The following ERC2 variants were observed in gnomAD, a reference collection of about 807,000 sequenced individuals.
ERC2 encodes the protein ERC protein 2.
In ERC2, 42 loss-of-function variants were observed where a neutral mutation model predicts 114.8. That is an observed-to-expected ratio of 0.37 (90% confidence interval 0.29 to 0.47). The LOEUF (loss-of-function observed/expected upper bound fraction) is 0.47, where lower values mean the gene tolerates loss of function less well. Among genes scored for constraint, ERC2 ranks in the 20% least tolerant of loss-of-function variants. ERC2 has a pLI of 0.99. For synonymous variants in ERC2, 454 were observed against 425.5 expected (o/e 1.07, Z -0.82); for missense variants, 939 against 1,150.7 (o/e 0.82, Z 2.66).
intron 6 of ERC2, among the ~76,000 whole-genome samples, chr3:56,119,036 A>T (rs1374995785): frequency 6.6e-6 from 1 of 152,204 alleles, no homozygotes; most frequent in Non-Finnish European, 1.5e-5. Context: ...TTTTGCAACG[A>T]ATTAACTCTG....
chr3:55,583,621 A>G (rs2057435396), intron 17 of ERC2, among the ~76,000 whole-genome samples: 1 of 146,680 alleles, frequency 6.8e-6, no homozygotes, highest in African/African-American at 2.6e-5. Context: ...ACTGGACGGT[A>G]TCAGCTTCCC....
intron 15 of ERC2, among the ~76,000 whole-genome samples, chr3:55,731,817 G>A (rs2065268818): frequency 6.6e-6 from 1 of 152,116 alleles, no homozygotes; most frequent in Non-Finnish European, 1.5e-5. Flanking sequence ...GAGCTCAAAA[G>A]TATTAGTAAT....
chr3:55,647,007 C>T (rs561385478), intron 17 of ERC2: 2 of 152,258 alleles, frequency 1.3e-5, no homozygotes, highest in African/African-American at 4.8e-5. Flanking sequence ...CACTCTCAGA[C>T]GCATGCACAA....
At chr3:56,262,815 C>T (rs1232493734) in intron 3 of ERC2, among the ~76,000 whole-genome samples, 2 of 152,222 alleles carry the variant, frequency 1.3e-5, no homozygotes, top group Non-Finnish European at 2.9e-5. Context: ...TTGGTTCCAA[C>T]ATGAATATCC....
intron 8 of ERC2, among the ~76,000 whole-genome samples, chr3:56,014,094 G>A (rs755850924): frequency 1.5e-5 from 2 of 133,966 alleles, no homozygotes; most frequent in South Asian, 2.4e-4. Flanking sequence ...ATTCTTCATC[G>A]CTATGAAAAG....
intron 14 of ERC2, among the ~76,000 whole-genome samples, chr3:55,864,181 AC>A (rs2062180263): frequency 6.9e-6 from 1 of 144,064 alleles, no homozygotes; most frequent in South Asian, 2.3e-4. Context: ...ATATATATAT[AC>A]ACATATATAT....
intron 13 of ERC2, among the ~76,000 whole-genome samples, chr3:55,896,958 A>G (rs371413572): frequency 2.0e-5 from 3 of 152,244 alleles, no homozygotes; most frequent in South Asian, 4.1e-4. Context: ...AACTGTATTT[A>G]CTGTATCTGA....
intron 3 of ERC2, among the ~76,000 whole-genome samples, chr3:56,268,906 G>C (rs927894292): frequency 2.0e-5 from 3 of 152,122 alleles, no homozygotes; most frequent in Non-Finnish European, 4.4e-5. Context: ...AAAGTTGATT[G>C]TGCATGACTG....
chr3:56,222,835 G>A (rs567856128), intron 3 of ERC2, among the ~76,000 whole-genome samples: 2 of 152,332 alleles, frequency 1.3e-5, no homozygotes, highest in South Asian at 2.1e-4. Flanking sequence ...TCCTGGCCAC[G>A]ACATGTGAAA....
intron 12 of ERC2, among the ~76,000 whole-genome samples, chr3:55,971,516 T>C (rs1399176621): frequency 6.6e-6 from 1 of 152,194 alleles, no homozygotes; most frequent in African/African-American, 2.4e-5. Context: ...AATGCAAGCA[T>C]AGACACATCT....
intron 17 of ERC2, among the ~76,000 whole-genome samples, chr3:55,680,943 C>T (rs936403856): frequency 3.9e-5 from 6 of 152,110 alleles, no homozygotes; most frequent in African/African-American, 1.4e-4. Flanking sequence ...CTTTGAAAAA[C>T]ATTAGGAATT....
chr3:56,043,102 G>A (rs534167175), intron 7 of ERC2, among the ~76,000 whole-genome samples: 15 of 151,970 alleles, frequency 9.9e-5, no homozygotes, highest in Non-Finnish European at 1.6e-4. Flanking sequence ...TCTGGAGCCC[G>A]CAAAATGAAA....
chr3:55,666,084 T>C (rs1188156223), intron 17 of ERC2, among the ~76,000 whole-genome samples: 2 of 152,184 alleles, frequency 1.3e-5, no homozygotes, highest in Non-Finnish European at 2.9e-5. Context: ...ACCACCACCA[T>C]GAGGTAGACA....
At chr3:56,075,707 C>T (rs1326995249) in intron 7 of ERC2, among the ~76,000 whole-genome samples, 1 of 152,106 alleles carries the variant, frequency 6.6e-6, no homozygotes, top group Non-Finnish European at 1.5e-5. Flanking sequence ...GACTGACTGA[C>T]ACATAGGAAA....
intron 2 of ERC2, among the ~76,000 whole-genome samples, chr3:56,327,465 T>C (rs561488232): frequency 1.3e-5 from 2 of 152,304 alleles, no homozygotes; most frequent in South Asian, 2.1e-4. Context: ...CAAAGTGGTA[T>C]GGACACAAAG....
At chr3:56,349,884 G>C (rs2150522705) in intron 2 of ERC2, among the ~76,000 whole-genome samples, 1 of 149,828 alleles carries the variant, frequency 6.7e-6, no homozygotes, top group South Asian at 2.1e-4. Context: ...TTGCACTCCA[G>C]CCTGGGCGAG....
intron 13 of ERC2, among the ~76,000 whole-genome samples, chr3:55,895,715 G>C (rs1463332142): frequency 6.6e-6 from 1 of 152,180 alleles, no homozygotes; most frequent in African/African-American, 2.4e-5. Flanking sequence ...TATGCAATGG[G>C]AGGAAGGGGA....
At chr3:55,636,731 G>A (rs1014585562) in intron 17 of ERC2, among the ~76,000 whole-genome samples, 3 of 152,242 alleles carry the variant, frequency 2.0e-5, no homozygotes, top group Non-Finnish European at 2.9e-5. Context: ...ACGAAGAGGT[G>A]TGGCTGTGCT....
At chr3:56,308,914 T>C (rs923969737) in intron 2 of ERC2, among the ~76,000 whole-genome samples, 4 of 152,234 alleles carry the variant, frequency 2.6e-5, no homozygotes, top group African/African-American at 9.6e-5. Context: ...TGACTTTATT[T>C]TCTTATTAAT....
Sources: gnomAD v4.1 joint callset for allele counts (sites outside exome capture counted in the v4.1 genomes callset) on GRCh38, gnomAD v4.1.1 for gene constraint, MANE v1.5 for transcripts, NCBI Gene and HGNC (gene_info 2026-07-23, HGNC 2026-07-21) for gene names.